Variants in SGCZ observed in about 807,000 individuals in gnomAD.
SGCZ encodes the protein sarcoglycan zeta.
A neutral mutation model predicts 41.3 loss-of-function variants in SGCZ; 40 were observed. The observed-to-expected ratio is 0.97, with a 90% CI of 0.75 to 1.26. The LOEUF (loss-of-function observed/expected upper bound fraction) is 1.26. Among genes scored for constraint, SGCZ ranks in the 50% most tolerant of loss-of-function variants. SGCZ has a pLI of 0.00. For missense variants in SGCZ, 552 were observed against 369.8 expected, an observed-to-expected ratio of 1.49 and a Z score of -4.04; for synonymous variants, 206 against 137.5, an observed-to-expected ratio of 1.50 and a Z score of -3.49.
At chr8:14,209,056 T>G (rs1293235129) in intron 4 of SGCZ, among the ~76,000 whole-genome samples, 1 of 152,200 alleles carries the variant, frequency 6.6e-6, no homozygotes, top group Non-Finnish European at 1.5e-5. Context: ...ATGTTCAAAA[T>G]GACGCCTCCA....
At chr8:14,908,408 A>G (rs550018813) in intron 1 of SGCZ, among the ~76,000 whole-genome samples, 1 of 152,298 alleles carries the variant, frequency 6.6e-6, no homozygotes, top group South Asian at 2.1e-4. Context: ...ACCAAGGGGT[A>G]TAATAAACAA....
In SGCZ at chr8:14,453,677, C is replaced by G. The variant is rs1051782103; in HGVS notation, c.234+101055G>C. Among the ~76,000 whole-genome samples the G allele has an allele frequency of 5.9e-5, 9 of 152,192 alleles. 1 individual carries two copies. The highest frequency in any genetic ancestry group is 1.2e-4 in the Non-Finnish European group (8 of 68,040). Reference sequence around the variant, plus strand: ...TCTTAGTCAAAATTCAGAATTTAAGCAGCATGCTAATCCCTACAGATTTTT... The same window carrying G: ...TCTTAGTCAAAATTCAGAATTTAAGGAGCATGCTAATCCCTACAGATTTTT... On this transcript the variant is annotated intron_variant, in intron 2 of 7. Coordinates refer to ENST00000382080, the MANE Select transcript of SGCZ (RefSeq NM_139167.4).
At chr8:14,704,577 G>C (rs1809268179) in intron 1 of SGCZ, among the ~76,000 whole-genome samples, 1 of 151,872 alleles carries the variant, frequency 6.6e-6, no homozygotes, top group African/African-American at 2.4e-5. Flanking sequence ...TTAACACCAG[G>C]TCATGTGGTA....
intron 1 of SGCZ, among the ~76,000 whole-genome samples, chr8:15,234,792 G>A (rs961501042): frequency 6.6e-6 from 1 of 152,084 alleles, no homozygotes; most frequent in Non-Finnish European, 1.5e-5. Flanking sequence ...AAATCTCAAA[G>A]AGAAAATAGT....
At chr8:14,435,517 T>C (rs1459264187) in intron 2 of SGCZ, among the ~76,000 whole-genome samples, 2 of 152,188 alleles carry the variant, frequency 1.3e-5, no homozygotes, top group Non-Finnish European at 2.9e-5. Flanking sequence ...CATATACTTA[T>C]GTTAAAGTGA....
intron 5 of SGCZ, among the ~76,000 whole-genome samples, chr8:14,139,441 G>T (rs1439297337): frequency 6.6e-6 from 1 of 152,096 alleles, no homozygotes; most frequent in Non-Finnish European, 1.5e-5. Flanking sequence ...TAGGTAGACT[G>T]CTAGCAAGAC....
At chr8:14,872,069 C>CA (rs760460223) in intron 1 of SGCZ, among the ~76,000 whole-genome samples, 2 of 151,740 alleles carry the variant, frequency 1.3e-5, no homozygotes, top group Non-Finnish European at 2.9e-5. Flanking sequence ...AACACAGGAA[C>CA]AGAAAACCAA....
intron 1 of SGCZ, among the ~76,000 whole-genome samples, chr8:15,182,546 AG>A (rs1016830721): frequency 3.1e-4 from 47 of 152,190 alleles, no homozygotes; most frequent in Non-Finnish European, 1.2e-4. Flanking sequence ...AAACATAAAA[AG>A]GTACAGTAAA....
At chr8:14,242,826 T>C (rs1301630287) in intron 3 of SGCZ, among the ~76,000 whole-genome samples, 1 of 152,144 alleles carries the variant, frequency 6.6e-6, no homozygotes, top group Non-Finnish European at 1.5e-5. Flanking sequence ...ACTGTGTTTC[T>C]TGGGGCTCAT....
intron 4 of SGCZ, 83 bp downstream of exon 4, chr8:14,237,506 AACG>A: frequency 9.1e-7 from 1 of 1,101,922 alleles, no homozygotes; most frequent in African/African-American, 1.6e-5. Flanking sequence ...CAACAACAAC[AACG>A]ACAACAACAA....
chr8:14,315,875 G>C (rs1318926945), intron 3 of SGCZ, among the ~76,000 whole-genome samples: 1 of 151,492 alleles, frequency 6.6e-6, no homozygotes, highest in South Asian at 2.1e-4. Context: ...ACAAATGACT[G>C]TTCAGAATAT....
chr8:15,230,187 A>T (rs1389926189), intron 1 of SGCZ, among the ~76,000 whole-genome samples: 20 of 60,122 alleles, frequency 3.3e-4, no homozygotes, highest in African/African-American at 1.6e-3. Flanking sequence ...ATACTAGTTA[A>T]AAAAAAAAAA....
intron 3 of SGCZ, among the ~76,000 whole-genome samples, chr8:14,296,662 A>G (rs1801022890): frequency 1.3e-5 from 2 of 152,176 alleles, no homozygotes; most frequent in Admixed American, 1.3e-4. Flanking sequence ...AGACTAGGGT[A>G]CATTAAACTT....
At chr8:14,648,113 C>T (rs1461008299) in intron 1 of SGCZ, among the ~76,000 whole-genome samples, 2 of 152,000 alleles carry the variant, frequency 1.3e-5, no homozygotes, top group African/African-American at 4.8e-5. Flanking sequence ...TTCCACAGAG[C>T]ACCACCTCCT....
intron 1 of SGCZ, among the ~76,000 whole-genome samples, chr8:14,968,458 A>T (rs1190273076): frequency 2.0e-5 from 3 of 152,140 alleles, no homozygotes; most frequent in Non-Finnish European, 4.4e-5. Context: ...TTAACATTTT[A>T]TTCAATATTC....
intron 1 of SGCZ, among the ~76,000 whole-genome samples, chr8:14,651,971 A>C (rs1368964890): frequency 1.3e-5 from 2 of 151,990 alleles, no homozygotes; most frequent in Admixed American, 1.3e-4. Flanking sequence ...AACAAAAAAA[A>C]CGGGTCTCCT....
chr8:14,400,554 T>A (rs1461530408), intron 2 of SGCZ, among the ~76,000 whole-genome samples: 2 of 152,164 alleles, frequency 1.3e-5, no homozygotes, highest in African/African-American at 2.4e-5. Flanking sequence ...AGCAAGATTA[T>A]CTATAATGAG....
At chr8:15,021,520 C>T (rs1803247838) in intron 1 of SGCZ, among the ~76,000 whole-genome samples, 1 of 152,202 alleles carries the variant, frequency 6.6e-6, no homozygotes, top group Admixed American at 6.5e-5. Flanking sequence ...ATTAACAAGG[C>T]TTACTTACGT....
Position 15,198,547 on chromosome 8 carries a change from T to C in SGCZ, c.39+39038A>G, listed in dbSNP as rs543473197. ...ACAATCTTGTGAAATGGATTTGCTATACTTTAGAATAAAAAAGAAATTCAA... is the reference window on the plus strand; with the variant it reads ...ACAATCTTGTGAAATGGATTTGCTACACTTTAGAATAAAAAAGAAATTCAA... On this transcript the variant is annotated intron_variant, in intron 1 of 7. Coordinates refer to ENST00000382080, the MANE Select transcript of SGCZ (RefSeq NM_139167.4). Among the ~76,000 whole-genome samples, 4 of 152,300 alleles carry C rather than the reference T, an allele frequency of 2.6e-5. No homozygotes were observed. The South Asian group carries it at 6.2e-4, about 24-fold the overall frequency.
Sources: allele counts gnomAD v4.1 joint callset (sites outside exome capture counted in the v4.1 genomes callset), GRCh38; gene constraint gnomAD v4.1.1; transcripts MANE v1.5; gene names NCBI Gene and HGNC (gene_info 2026-07-23, HGNC 2026-07-21).